The following BACH2 variants were observed in gnomAD, a reference collection of about 807,000 sequenced individuals.
The protein encoded by BACH2 is transcription regulator protein BACH2.
BACH2 carries 5 observed loss-of-function variants against 61.8 expected under a neutral mutation model. The observed-to-expected ratio is 0.08, with a 90% CI of 0.04 to 0.17. The LOEUF (loss-of-function observed/expected upper bound fraction) is 0.17. Among genes scored for constraint, BACH2 ranks in the 10% least tolerant of loss-of-function variants. The pLI, the probability that BACH2 is intolerant of heterozygous loss-of-function variation, is 1.00. For synonymous variants in BACH2, 446 were observed against 440.1 expected (o/e 1.01, Z -0.17); for missense variants, 824 against 1,091.1 (o/e 0.76, Z 3.45).
At chr6:90,295,561 G>A (rs957430759) in intron 1 of BACH2, among the ~76,000 whole-genome samples, 2 of 152,148 alleles carry the variant, frequency 1.3e-5, no homozygotes, top group African/African-American at 4.8e-5. Context: ...GCGGGGCCAC[G>A]GAGCGCCTCG....
At chr6:90,273,710 G>A (rs1194038548) in intron 1 of BACH2, among the ~76,000 whole-genome samples, 1 of 152,042 alleles carries the variant, frequency 6.6e-6, no homozygotes, top group Non-Finnish European at 1.5e-5. Context: ...TAGCTTTTCT[G>A]CCTCTGAACT....
intron 6 of BACH2, among the ~76,000 whole-genome samples, chr6:89,976,237 G>T (rs931586525): frequency 6.6e-6 from 1 of 152,224 alleles, no homozygotes; most frequent in African/African-American, 2.4e-5. Flanking sequence ...CTCTTTGTAC[G>T]CAAGAGCGTG....
Position 90,266,381 on chromosome 6 carries a change from T to G in BACH2, c.-353+5468A>C, listed in dbSNP as rs558688502. ...GAGGAAGGCTCTAGAAGACAGAAGA[T>G]GCTCCCTGGGAGGTTCTTTTCAGCT... On this transcript the variant is annotated intron_variant, in intron 2 of 8. Coordinates refer to ENST00000257749, the MANE Select transcript of BACH2 (RefSeq NM_021813.4). 2.0e-4 allele frequency among the ~76,000 whole-genome samples: 31 copies of G among 152,256 alleles called. No individual in the cohort carries two copies. The South Asian group carries it at 6.4e-3, about 32-fold the overall frequency.
chr6:90,233,662 G>A (rs1770169556), intron 3 of BACH2, among the ~76,000 whole-genome samples: 1 of 152,156 alleles, frequency 6.6e-6, no homozygotes, highest in Non-Finnish European at 1.5e-5. Context: ...GCACACCAAA[G>A]TCAATGCTCA....
At chr6:90,149,782 A>G (rs1222280723) in intron 4 of BACH2, among the ~76,000 whole-genome samples, 1 of 152,174 alleles carries the variant, frequency 6.6e-6, no homozygotes, top group Non-Finnish European at 1.5e-5. Flanking sequence ...CACAGCCTGC[A>G]TCTTTCACTG....
In BACH2 at chr6:89,996,304, G is replaced by A. The variant is rs555177501; in HGVS notation, c.243+12298C>T. Among the ~76,000 whole-genome samples, 8 of 152,298 alleles carry A rather than the reference G, an allele frequency of 5.3e-5. No individual in the cohort carries two copies. The East Asian group carries it at 7.7e-4, about 15-fold the overall frequency. ...CTCACCTATGCTAGGCTCAGGCTGT[G>A]TCTCCTGACTGTGCTCTCTGTCTGT... On this transcript the variant is annotated intron_variant, in intron 6 of 8. Transcript: ENST00000257749.
chr6:90,141,632 T>C (rs918741196), intron 4 of BACH2, among the ~76,000 whole-genome samples: 2 of 152,118 alleles, frequency 1.3e-5, no homozygotes, highest in African/African-American at 4.8e-5. Flanking sequence ...CAAACAGCTT[T>C]GCTAACTTGA....
chr6:89,939,659 T>TTC (rs1436537805), intron 7 of BACH2, among the ~76,000 whole-genome samples: 20 of 39,272 alleles, frequency 5.1e-4, no homozygotes, highest in African/African-American at 1.7e-3. Flanking sequence ...TATATTTCTT[T>TTC]TTTTTTTTTT....
intron 3 of BACH2, among the ~76,000 whole-genome samples, chr6:90,236,350 G>C (rs1178867318): frequency 6.6e-6 from 1 of 152,204 alleles, no homozygotes; most frequent in Non-Finnish European, 1.5e-5. Flanking sequence ...TGAGCCATGA[G>C]GGACCTCAGG....
At chr6:90,270,661 T>G (rs957115670) in intron 2 of BACH2, among the ~76,000 whole-genome samples, 3 of 152,058 alleles carry the variant, frequency 2.0e-5, no homozygotes, top group African/African-American at 7.2e-5. Flanking sequence ...ACAAAAGCAA[T>G]CTACAGATTC....
rs137894932 is a variant in BACH2, at chr6:89,962,664, C to T, written c.244-10802G>A. 7.9e-5 allele frequency among the ~76,000 whole-genome samples: 12 copies of T among 152,248 alleles called. 1 individual carries two copies. In the East Asian group the frequency reaches 2.3e-3, roughly 29 times the overall value. ...TGAACTTTGTTTTGGACACTTCTAGCCCTCCTGAATCATCTTTCCCCACAG... is the reference window on the plus strand; with the variant it reads ...TGAACTTTGTTTTGGACACTTCTAGTCCTCCTGAATCATCTTTCCCCACAG... On this transcript the variant is annotated intron_variant, in intron 6 of 8. Coordinates refer to ENST00000257749, the MANE Select transcript of BACH2 (RefSeq NM_021813.4).
Position 89,932,517 on chromosome 6 carries a change from T to C in BACH2, c.2417A>G (p.Glu806Gly), listed in dbSNP as rs1336242769. The C allele has an allele frequency of 1.9e-6, 3 of 1,614,080 alleles. No homozygotes were observed. In the Admixed American group the frequency reaches 5.0e-5, roughly 27 times the overall value. ...LEGTDPGTFS[E>G]RGPPLEPRSQ... is the part of the protein sequence containing the mutation. ...CCTGGGTTCAAGAGGAGGTCCTCTC[T>C]CTGAGAAGGTTCCCGGGTCAGTGCC... The change falls in exon 9 of 9, where the codon GAG becomes GGG. Residue 806 changes from glutamate (E) to glycine (G), a missense_variant. Physicochemically the swap from Glu to Gly is moderately conservative, Grantham distance 98. This residue lies in a region of BACH2 where 135 missense variants were observed against 142.7 expected (regional missense o/e 0.95). Coordinates refer to ENST00000257749, the MANE Select transcript of BACH2 (RefSeq NM_021813.4).
intron 6 of BACH2, among the ~76,000 whole-genome samples, chr6:89,955,008 TTC>T (rs1774349514): frequency 6.6e-6 from 1 of 152,256 alleles, no homozygotes; most frequent in South Asian, 2.1e-4. Flanking sequence ...TTTGCTCAGC[TTC>T]TGTGTGTGAG....
intron 4 of BACH2, among the ~76,000 whole-genome samples, chr6:90,098,671 C>T (rs993258414): frequency 6.6e-6 from 1 of 152,150 alleles, no homozygotes; most frequent in Non-Finnish European, 1.5e-5. Context: ...AATCCATAAA[C>T]CTCAGGTTAA....
At chr6:89,984,119 T>TCC (rs776237900) in intron 6 of BACH2, among the ~76,000 whole-genome samples, 50 of 152,178 alleles carry the variant, frequency 3.3e-4, no homozygotes, top group Non-Finnish European at 6.6e-4. Context: ...CTGTCCTCTC[T>TCC]CCCACCATGT....
intron 6 of BACH2, among the ~76,000 whole-genome samples, chr6:89,955,438 G>T (rs1282685553): frequency 6.6e-6 from 1 of 152,200 alleles, no homozygotes; most frequent in African/African-American, 2.4e-5. Context: ...GACTACTGAG[G>T]CTGAGGGGAC....
chr6:90,157,506 C>G (rs570068374), intron 4 of BACH2, among the ~76,000 whole-genome samples: 1 of 152,094 alleles, frequency 6.6e-6, no homozygotes, highest in Non-Finnish European at 1.5e-5. Context: ...TAAAGCCAAC[C>G]CAGGACTGGT....
intron 5 of BACH2, among the ~76,000 whole-genome samples, chr6:90,039,727 C>A (rs1779437493): frequency 1.3e-5 from 2 of 152,072 alleles, no homozygotes; most frequent in Admixed American, 1.3e-4. Context: ...GATTATATTA[C>A]CAAACTTAAA....
intron 5 of BACH2, among the ~76,000 whole-genome samples, chr6:90,021,619 CTG>C (rs1338251819): frequency 6.6e-6 from 1 of 152,080 alleles, no homozygotes; most frequent in Non-Finnish European, 1.5e-5. Flanking sequence ...TACTGTAAAA[CTG>C]TAAGGGTTAG....
Sources: gnomAD v4.1 joint callset for allele counts (sites outside exome capture counted in the v4.1 genomes callset) on GRCh38, gnomAD v4.1.1 for gene constraint, gnomAD v4.1.1 regional missense constraint, MANE v1.5 for transcripts, NCBI Gene and HGNC (gene_info 2026-07-23, HGNC 2026-07-21) for gene names.